Variants in CHRNA3 observed in about 807,000 individuals in gnomAD.
CHRNA3 encodes the protein cholinergic receptor nicotinic alpha 3 subunit.
Under a neutral mutation model 41.9 loss-of-function variants are expected in CHRNA3, and 34 were observed. The ratio of observed to expected loss-of-function variants is 0.81; its 90% CI spans 0.62 to 1.08. The LOEUF (loss-of-function observed/expected upper bound fraction) is 1.08, where lower values mean the gene tolerates loss of function less well. Among genes scored for constraint, CHRNA3 ranks in the 50% least tolerant of loss-of-function variants. The pLI, the probability that CHRNA3 is intolerant of heterozygous loss-of-function variation, is 0.00. For synonymous variants in CHRNA3, 281 were observed against 265.2 expected (o/e 1.06, Z -0.58); for missense variants, 542 against 638.3 (o/e 0.85, Z 1.63).
At chr15:78,605,618 CCACT>C (rs1174474396) in intron 4 of CHRNA3, among the ~76,000 whole-genome samples, 20 of 152,290 alleles carry the variant, frequency 1.3e-4, no homozygotes, top group African/African-American at 4.6e-4. Context: ...CCGTGGGAAT[CCACT>C]CAGTGTCTGC....
chr15:78,618,071 A>T (rs2053491710), intron 3 of CHRNA3, among the ~76,000 whole-genome samples: 1 of 152,116 alleles, frequency 6.6e-6, no homozygotes, highest in African/African-American at 2.4e-5. Flanking sequence ...ACATGGCGAA[A>T]CCCTGTCTCT....
At chr15:78,597,453 T>C (rs56276142) in intron 5 of CHRNA3, among the ~76,000 whole-genome samples, 58,494 of 151,536 alleles carry the variant, frequency 0.39, 11,575 homozygotes, top group Non-Finnish European at 0.42. Flanking sequence ...ATAAATTTCC[T>C]TTTAACATCT....
Position 78,603,940 on chromosome 15 carries a change from T to C in CHRNA3, c.378-1676A>G, listed in dbSNP as rs542202843. ...ACATCCACACAGTCCCCAAGTGGAC[T>C]CAGCCCATGTTTAGCACTGAGGGGC... On this transcript the variant is annotated intron_variant, in intron 4 of 5. Transcript: ENST00000326828. 4.7e-4 allele frequency among the ~76,000 whole-genome samples: 72 copies of C among 152,196 alleles called. No individual in the cohort carries two copies. In the East Asian group the frequency reaches 0.01, roughly 22 times the overall value.
rs1037689576 is a variant in CHRNA3, at chr15:78,601,505, A to G, written c.1137T>C (p.Asn379=). The change falls in exon 5 of 6, where the codon AAT becomes AAC. Residue 379 remains asparagine, a synonymous_variant. Transcript: ENST00000326828. The part of the protein sequence containing the change: ...PRPLYGAELS[N]LNCFSRAESK... ...ACTCTGCGCGGCTGAAGCAATTCAG[A>G]TTTGAGAGCTCGGCACCGTAGAGGG... 11 of 1,613,954 alleles carry G rather than the reference A, an allele frequency of 6.8e-6. No homozygotes were observed. The African/African-American group carries it at 1.5e-4, about 22-fold the overall frequency.
Position 78,596,184 on chromosome 15 carries a change from T to TA in CHRNA3, c.*419dup. On this transcript the variant is annotated 3_prime_UTR_variant, in exon 6 of 6. Transcript: ENST00000326828. ...GGGTAACGATGGGGGATTGCTGAAT[T>TA]AGTATAAACCTTCAAAGAGATTATG... 1 of 985,908 alleles carries TA rather than the reference T, an allele frequency of 1.0e-6. No homozygotes were observed. 61.1% of individuals were successfully genotyped at this position (985,908 alleles called of 1,614,324 possible).
chr15:78,618,653 T>G lies in CHRNA3; in HGVS notation c.231A>C (p.Val77=). ...SMSQLVKVDE[V]NQIMETNLWL... ...ACAGGTTGGTCTCCATGATCTGGTT[T>G]ACTTCATCCTAGAAAGAGGAATTAA... Residue 77 remains valine (V), a synonymous_variant, in exon 3 of 6, where the codon GTA becomes GTC. Transcript: ENST00000326828. 5.0e-6 allele frequency: 8 copies of G among 1,614,172 alleles called. No homozygotes were observed. Among genetic ancestry groups the G allele is most frequent in the Non-Finnish European group, 6.8e-6 (8 of 1,180,044 alleles).
Position 78,596,600 on chromosome 15 carries a change from GTGC to G in CHRNA3, c.*1_*3del. ...GTCTCCCAGGCAGGCACACAGCTTA[GTGC>G]TTATGCATCTTCCCTGGCCATCAGG... On this transcript the variant is annotated 3_prime_UTR_variant, in exon 6 of 6. Coordinates refer to ENST00000326828, the MANE Select transcript of CHRNA3 (RefSeq NM_000743.5). The G allele has an allele frequency of 2.5e-6, 4 of 1,596,384 alleles. No individual in the cohort carries two copies. Among genetic ancestry groups the G allele is most frequent in the Non-Finnish European group, 3.4e-6 (4 of 1,174,838 alleles).
chr15:78,616,937 G>A, intron 4 of CHRNA3, 87 bp downstream of exon 4: 1 of 824,456 alleles, frequency 1.2e-6, no homozygotes, highest in East Asian at 2.6e-5. Flanking sequence ...AAAAGGCCAA[G>A]GAAGGCCAGG....
chr15:78,600,901 A>G (rs1438854350), intron 5 of CHRNA3, among the ~76,000 whole-genome samples: 2 of 152,062 alleles, frequency 1.3e-5, no homozygotes, highest in Non-Finnish European at 2.9e-5. Context: ...TATAACCTCA[A>G]TTAACCAATA....
At chr15:78,619,094 G>A (rs1316369559) in intron 1 of CHRNA3, 179 bp from the exon 2 acceptor site, 1 of 685,040 alleles carries the variant, frequency 1.5e-6, no homozygotes, top group Non-Finnish European at 2.4e-6. Context: ...TGAGGCCCAA[G>A]AGGGGCAGGA....
intron 4 of CHRNA3, among the ~76,000 whole-genome samples, chr15:78,603,232 C>T (rs2053233093): frequency 1.3e-5 from 2 of 152,198 alleles, no homozygotes; most frequent in African/African-American, 4.8e-5. Context: ...CTGGGCTGGT[C>T]TCGAACTCCT....
intron 4 of CHRNA3, among the ~76,000 whole-genome samples, chr15:78,611,692 T>A (rs2053382191): frequency 2.0e-5 from 3 of 151,664 alleles, no homozygotes. Flanking sequence ...ACCACTCCTA[T>A]TCAACATAGT....
At chr15:78,619,516 G>A (rs890532392) in intron 1 of CHRNA3, among the ~76,000 whole-genome samples, 5 of 151,958 alleles carry the variant, frequency 3.3e-5, no homozygotes, top group Admixed American at 2.6e-4. Context: ...CCCAGCCTCC[G>A]GGAGAACACA....
At chr15:78,616,417 G>A (rs1285565260) in intron 4 of CHRNA3, among the ~76,000 whole-genome samples, 1 of 135,200 alleles carries the variant, frequency 7.4e-6, no homozygotes, top group African/African-American at 2.8e-5. Context: ...TGGGAACCCT[G>A]GGACTACACA....
downstream of CHRNA3, chr15:78,595,226 CATTACT>C (rs2053082221): frequency 5.4e-6 from 5 of 919,552 alleles, no homozygotes; most frequent in South Asian, 2.5e-4. Flanking sequence ...CTTATACTAC[CATTACT>C]GTTACTTATG....
At chr15:78,613,521 G>A (rs1238963023) in intron 4 of CHRNA3, among the ~76,000 whole-genome samples, 1 of 146,028 alleles carries the variant, frequency 6.8e-6, no homozygotes, top group Non-Finnish European at 1.5e-5. Context: ...ATTGAACAAT[G>A]AGAACACATG....
At chr15:78,594,834 A>T (rs1294442359), downstream of CHRNA3, 1 of 152,228 alleles carries the variant, frequency 6.6e-6, no homozygotes, top group Admixed American at 6.5e-5. Flanking sequence ...TAGAGTTGCA[A>T]GGGCCTTTAG....
intron 4 of CHRNA3, among the ~76,000 whole-genome samples, chr15:78,609,800 C>G (rs890963871): frequency 1.3e-5 from 2 of 152,168 alleles, no homozygotes; most frequent in Admixed American, 6.5e-5. Flanking sequence ...GATAAAGAGT[C>G]AAGACCCATC....
At chr15:78,607,865 C>T (rs1259718491) in intron 4 of CHRNA3, among the ~76,000 whole-genome samples, 1 of 152,210 alleles carries the variant, frequency 6.6e-6, no homozygotes, top group African/African-American at 2.4e-5. Context: ...GGGTCACTCC[C>T]ACCCTAATAC....
Sources: allele counts gnomAD v4.1 joint callset (sites outside exome capture counted in the v4.1 genomes callset), GRCh38; gene constraint gnomAD v4.1.1; transcripts MANE v1.5; gene names NCBI Gene and HGNC (gene_info 2026-07-23, HGNC 2026-07-21).